RINT1: variants seen among roughly 807,000 people sequenced by gnomAD.
RINT1 encodes the protein RAD50 interactor 1.
RINT1 carries 75 observed loss-of-function variants against 97.7 expected under a neutral mutation model. The observed-to-expected ratio is 0.77, with a 90% confidence interval of 0.64 to 0.93. RINT1 has a LOEUF of 0.93. RINT1 is among the 40% of genes least tolerant of loss of function. The pLI is 0.00. For synonymous variants in RINT1, 303 were observed against 326.3 expected (o/e 0.93, Z 0.77); for missense variants, 892 against 925.2 (o/e 0.96, Z 0.47).
intron 6 of RINT1, among the ~76,000 whole-genome samples, chr7:105,547,931 T>C (rs946852974): frequency 1.3e-5 from 2 of 151,866 alleles, no homozygotes; most frequent in Non-Finnish European, 2.9e-5. Flanking sequence ...TTTTCCATGT[T>C]GGTCAGGCTG....
In RINT1 at chr7:105,563,895, G is replaced by T; in HGVS notation, c.1834G>T (p.Asp612Tyr). ...LKHDMLTRQV[D>Y]HVFREVKDAA... ...GCATGATATGTTGACCCGTCAAGTA[G>T]ACCACGTTTTTAGAGAAGTTAAAGA... Residue 612 changes from aspartate (D) to tyrosine (Y), a missense_variant, in exon 12 of 15, where the codon GAC becomes TAC. By Grantham distance (160) the Asp-to-Tyr change is radical (BLOSUM62 -3). Coordinates refer to ENST00000257700, the MANE Select transcript of RINT1 (RefSeq NM_021930.6). 6.2e-7 allele frequency: 1 copy of T among 1,614,084 alleles called. No homozygotes were observed. Among genetic ancestry groups the T allele is most frequent in the South Asian group, 1.1e-5 (1 of 91,078 alleles).
intron 11 of RINT1, 24 bp from the exon 12 acceptor site, chr7:105,563,709 G>A (rs1372169354): frequency 6.4e-7 from 1 of 1,563,362 alleles, no homozygotes; most frequent in Non-Finnish European, 8.8e-7. Flanking sequence ...GTATGCTAAT[G>A]TGTTAACATG....
intron 3 of RINT1, among the ~76,000 whole-genome samples, chr7:105,537,051 T>A (rs1206588957): frequency 6.6e-6 from 1 of 151,224 alleles, no homozygotes; most frequent in Non-Finnish European, 1.5e-5. Context: ...ACAGTGACTT[T>A]TAAATTGCTT....
intron 3 of RINT1, chr7:105,542,158 A>C (rs2392749): frequency 3.0e-6 from 1 of 329,568 alleles, no homozygotes; most frequent in Non-Finnish European, 5.5e-6. Flanking sequence ...GTGAGACCTT[A>C]TTTCTATTTA....
At position 105,545,188 on chromosome 7, in the gene RINT1, A is replaced by T. The variant is rs1251661784; in HGVS notation, c.516-1722A>T. ...GTACTCCTGCCGGGCATGGTGGCTC[A>T]TGCCGTAGTCCTAGCACTTTGAGAG... is the stretch of plus-strand genomic sequence containing the variant. On this transcript the variant is annotated intron_variant, in intron 4 of 14. Coordinates refer to ENST00000257700, the MANE Select transcript of RINT1 (RefSeq NM_021930.6). Among the ~76,000 whole-genome samples, 3 of 151,938 alleles carry T rather than the reference A, an allele frequency of 2.0e-5. No individual in the cohort carries two copies. In the East Asian group the frequency reaches 5.8e-4, roughly 29 times the overall value.
At chr7:105,558,125 G>C (rs1046494423) in intron 11 of RINT1, among the ~76,000 whole-genome samples, 3 of 151,932 alleles carry the variant, frequency 2.0e-5, no homozygotes, top group Non-Finnish European at 4.4e-5. Context: ...GACCAGCCTG[G>C]CCAACATGGT....
intron 14 of RINT1, chr7:105,566,175 G>A (rs1418984599): frequency 6.6e-6 from 1 of 151,938 alleles, no homozygotes; most frequent in Non-Finnish European, 1.5e-5. Context: ...CTGCTTGGGA[G>A]GCTGAGGCAG....
rs1018470990 is a variant in RINT1 at position 105,547,298 on chromosome 7, G to T, written c.804G>T (p.Glu268Asp). 4 of 1,614,068 alleles carry T rather than the reference G, an allele frequency of 2.5e-6. No homozygotes were observed. The highest frequency in any genetic ancestry group is 1.7e-5 in the Admixed American group (1 of 59,992). Residue 268 changes from glutamate to aspartate, a missense_variant, in exon 6 of 15, where the codon GAG becomes GAT. Transcript: ENST00000257700. Reference protein sequence around the residue: ...ASAPEIYSYLETLFCQLLKLQ... With the variant: ...ASAPEIYSYLDTLFCQLLKLQ... The stretch of plus-strand genomic sequence containing the variant: ...CCCCGGAGATATACAGTTACCTGGA[G>T]ACACTGTTTTGTCAGCTTTTGAAAC...
rs755864687 is a variant in RINT1 at position 105,563,815 on chromosome 7, C to A, written c.1754C>A (p.Ala585Asp). ...TLSKLQLGQL[A>D]SMESSVFDDM... ...AGTAAATTGCAGCTAGGACAGCTAGCCTCTATGGAGAGCTCTGTCTTTGAT... is the reference window on the plus strand; with the variant it reads ...AGTAAATTGCAGCTAGGACAGCTAGACTCTATGGAGAGCTCTGTCTTTGAT... The change falls in exon 12 of 15, where the codon GCC (alanine) becomes GAC (aspartate). Residue 585 changes from alanine (A) to aspartate (D), a missense_variant. Transcript: ENST00000257700. 6.2e-7 allele frequency: 1 copy of A among 1,614,018 alleles called. No individual in the cohort carries two copies. The highest frequency in any genetic ancestry group is 2.2e-5 in the East Asian group (1 of 44,878).
Position 105,555,219 on chromosome 7 carries a change from G to C in RINT1, c.1663G>C (p.Asp555His). The change falls in exon 11 of 15, where the codon GAC becomes CAC. Residue 555 changes from aspartate to histidine, a missense_variant. Transcript: ENST00000257700. ...YISTVLADWA[D>H]NVFFLQLQQA... ...CTCAACAGTACTAGCAGATTGGGCT[G>C]ACAATGTTGTGAGTTAATATGCTTT... 1 of 1,612,420 alleles carries C rather than the reference G, an allele frequency of 6.2e-7. No homozygotes were observed. The highest frequency in any genetic ancestry group is 1.1e-5 in the South Asian group (1 of 90,852).
intron 2 of RINT1, among the ~76,000 whole-genome samples, chr7:105,533,119 G>C (rs548648335): frequency 1.2e-3 from 181 of 152,264 alleles, no homozygotes; most frequent in African/African-American, 4.1e-3. Context: ...GTTTTCGCTG[G>C]AAGTCTGCCT....
At chr7:105,553,711 C>T (rs1269412560) in intron 10 of RINT1, among the ~76,000 whole-genome samples, 3 of 148,958 alleles carry the variant, frequency 2.0e-5, no homozygotes, top group African/African-American at 7.4e-5. Flanking sequence ...CCATGCCTGC[C>T]TGTAAATTGT....
chr7:105,535,420 G>A (rs909607138), intron 2 of RINT1, among the ~76,000 whole-genome samples: 8 of 151,922 alleles, frequency 5.3e-5, no homozygotes, highest in African/African-American at 1.9e-4. Flanking sequence ...AGTAGAGACA[G>A]GTTTTCACCA....
intron 3 of RINT1, chr7:105,541,768 T>G (rs1370720698): frequency 6.6e-6 from 1 of 151,938 alleles, no homozygotes; most frequent in Non-Finnish European, 1.5e-5. Flanking sequence ...AGAACGAAAC[T>G]CTGTCTCAAA....
At chr7:105,539,353 CTCTT>C (rs1472956749) in intron 3 of RINT1, among the ~76,000 whole-genome samples, 1 of 145,136 alleles carries the variant, frequency 6.9e-6, no homozygotes, top group Non-Finnish European at 1.5e-5. Flanking sequence ...ATCTTTCCCA[CTCTT>C]TTTTTTTTTT....
At chr7:105,558,401 G>T (rs1234627671) in intron 11 of RINT1, among the ~76,000 whole-genome samples, 1 of 152,018 alleles carries the variant, frequency 6.6e-6, no homozygotes, top group Non-Finnish European at 1.5e-5. Context: ...CACCCCCACA[G>T]CTCCATATTC....
rs1586216168 is a variant in RINT1, at chr7:105,536,570, A to G, written c.94A>G (p.Ile32Val). The stretch of plus-strand genomic sequence containing the variant: ...TTGTTATTCTTTTGTTGTAGGTGAC[A>G]TAAATGTTACAGTTCTTATTGGAAG... The part of the protein sequence containing the change: ...ERKNLEEKSD[I>V]NVTVLIGSKQ... The change falls in exon 3 of 15, where the codon ATA (isoleucine) becomes GTA (valine). Residue 32 changes from isoleucine (I) to valine (V), a missense_variant. Physicochemically the swap from Ile to Val is conservative, Grantham distance 29. Transcript: ENST00000257700. The G allele has an allele frequency of 6.3e-7, 1 of 1,586,668 alleles. No individual in the cohort carries two copies. The highest frequency in any genetic ancestry group is 1.2e-5 in the South Asian group (1 of 86,714).
At position 105,547,280 on chromosome 7, in the gene RINT1, G is replaced by A. The variant is rs377396859; in HGVS notation, c.786G>A (p.Glu262=). The A allele has an allele frequency of 1.2e-5, 20 of 1,614,188 alleles. No individual in the cohort carries two copies. The highest frequency in any genetic ancestry group is 1.7e-5 in the Non-Finnish European group (20 of 1,180,018). ...TAAGTCGACCTGCCAGTGCCCCGGA[G>A]ATATACAGTTACCTGGAGACACTGT... is the stretch of plus-strand genomic sequence containing the variant. ...VGLSRPASAP[E]IYSYLETLFC... The change falls in exon 6 of 15, where the codon GAG becomes GAA. Residue 262 remains glutamate, a synonymous_variant. Transcript: ENST00000257700.
At chr7:105,553,493 G>A (rs937258872) in intron 10 of RINT1, among the ~76,000 whole-genome samples, 8 of 151,214 alleles carry the variant, frequency 5.3e-5, no homozygotes, top group African/African-American at 1.9e-4. Flanking sequence ...GGCTGAGGTG[G>A]GCAGGTCACG....
Sources: allele counts gnomAD v4.1 joint callset (sites outside exome capture counted in the v4.1 genomes callset), GRCh38; gene constraint gnomAD v4.1.1; transcripts MANE v1.5; gene names NCBI Gene and HGNC (gene_info 2026-07-23, HGNC 2026-07-21).